The following TMEM132C variants were observed in gnomAD, a reference collection of about 807,000 sequenced individuals.
The protein encoded by TMEM132C is transmembrane protein 132C, also known as protein phosphatase 1, regulatory subunit 152.
In TMEM132C, 29 loss-of-function variants were observed where a neutral mutation model predicts 61.4. The ratio of observed to expected loss-of-function variants is 0.47; its 90% CI spans 0.35 to 0.64. The LOEUF is 0.64. TMEM132C is among the 30% of genes least tolerant of loss of function. TMEM132C has a pLI of 0.00. For synonymous variants in TMEM132C, 656 were observed against 633.1 expected, an observed-to-expected ratio of 1.04 and a Z score of -0.54; for missense variants, 1,408 against 1,476.9, an observed-to-expected ratio of 0.95 and a Z score of 0.76.
At chr12:128,509,106 C>CTG (rs1872486615) in intron 2 of TMEM132C, among the ~76,000 whole-genome samples, 1 of 152,184 alleles carries the variant, frequency 6.6e-6, no homozygotes, top group South Asian at 2.1e-4. Context: ...CTGGCCTAGG[C>CTG]TGTGTGCAAG....
At chr12:128,486,502 G>A (rs1294165473) in intron 2 of TMEM132C, among the ~76,000 whole-genome samples, 1 of 152,184 alleles carries the variant, frequency 6.6e-6, no homozygotes, top group Non-Finnish European at 1.5e-5. Flanking sequence ...CTCCTTCTCA[G>A]TTAGCCTCAG....
At chr12:128,563,315 C>A (rs1383803136) in intron 3 of TMEM132C, among the ~76,000 whole-genome samples, 1 of 152,192 alleles carries the variant, frequency 6.6e-6, no homozygotes, top group African/African-American at 2.4e-5. Context: ...GGTCCAGAGC[C>A]TTGGCAGGTC....
At chr12:128,408,685 AGG>A (rs1264798584) in intron 1 of TMEM132C, among the ~76,000 whole-genome samples, 1 of 152,194 alleles carries the variant, frequency 6.6e-6, no homozygotes, top group Non-Finnish European at 1.5e-5. Flanking sequence ...TTCTGAAATT[AGG>A]GGGTTAAAAT....
intron 2 of TMEM132C, among the ~76,000 whole-genome samples, chr12:128,516,267 G>GAA (rs1872714353): frequency 1.3e-5 from 2 of 152,220 alleles, no homozygotes; most frequent in African/African-American, 4.8e-5. Context: ...TCCACGGGAG[G>GAA]CTGGATAAAC....
chr12:128,515,572 G>A (rs1176904216), intron 2 of TMEM132C, among the ~76,000 whole-genome samples: 3 of 152,178 alleles, frequency 2.0e-5, no homozygotes, highest in Admixed American at 6.5e-5. Flanking sequence ...AGTGGCTCAC[G>A]CCTGTAATCC....
At chr12:128,358,038 T>G (rs1873575115) in intron 1 of TMEM132C, among the ~76,000 whole-genome samples, 1 of 152,100 alleles carries the variant, frequency 6.6e-6, no homozygotes, top group Non-Finnish European at 1.5e-5. Flanking sequence ...GTCCCATCCC[T>G]GCATTGAGTC....
chr12:128,339,374 A>G (rs1872887367), intron 1 of TMEM132C, among the ~76,000 whole-genome samples: 2 of 151,814 alleles, frequency 1.3e-5, no homozygotes, highest in African/African-American at 2.4e-5. Flanking sequence ...TATCCAGAGG[A>G]GTCAGGAAGT....
chr12:128,485,872 T>TTCC (rs1280903916), intron 2 of TMEM132C, among the ~76,000 whole-genome samples: 1 of 152,146 alleles, frequency 6.6e-6, no homozygotes, highest in Non-Finnish European at 1.5e-5. Flanking sequence ...CTTTCCCTTC[T>TTCC]TCCTCCTCCT....
intron 1 of TMEM132C, among the ~76,000 whole-genome samples, chr12:128,319,125 A>C (rs1565899908): frequency 1.3e-5 from 2 of 152,134 alleles, no homozygotes. Flanking sequence ...TAGGATCTGG[A>C]CTCTCTGCTC....
chr12:128,450,423 T>C (rs1460784286), intron 2 of TMEM132C, among the ~76,000 whole-genome samples: 1 of 152,172 alleles, frequency 6.6e-6, no homozygotes, highest in African/African-American at 2.4e-5. Context: ...TGTTTCTCAC[T>C]GTTTTATTTC....
Position 128,697,640 on chromosome 12 carries a change from C to A in TMEM132C, c.2121+225C>A, listed in dbSNP as rs1954775944. Among the ~76,000 whole-genome samples, 3 of 152,310 alleles carry A rather than the reference C, an allele frequency of 2.0e-5. No homozygotes were observed. The South Asian group carries it at 6.2e-4, about 32-fold the overall frequency. On this transcript the variant is annotated intron_variant, in intron 8 of 8. Transcript: ENST00000435159. ...CCAAGTCTCTTGGCTGCCGTTCTTA[C>A]CCCTGCACTCCCCTCTCTTCTCAAG...
chr12:128,333,050 T>C (rs1305940807), intron 1 of TMEM132C, among the ~76,000 whole-genome samples: 2 of 152,138 alleles, frequency 1.3e-5, no homozygotes, highest in Admixed American at 1.3e-4. Flanking sequence ...GTTGTGTGTG[T>C]GAGTATTGTG....
intron 1 of TMEM132C, among the ~76,000 whole-genome samples, chr12:128,314,263 CG>C (rs1263469040): frequency 1.3e-5 from 2 of 152,064 alleles, no homozygotes; most frequent in Non-Finnish European, 2.9e-5. Flanking sequence ...TATTGCAGAT[CG>C]GGGTAATTGG....
At chr12:128,702,970 C>T (rs1954814061) in intron 8 of TMEM132C, among the ~76,000 whole-genome samples, 1 of 152,062 alleles carries the variant, frequency 6.6e-6, no homozygotes, top group South Asian at 2.1e-4. Flanking sequence ...TTGACTTTTT[C>T]AGCAGAGGGT....
intron 1 of TMEM132C, among the ~76,000 whole-genome samples, chr12:128,290,538 A>C (rs1871215230): frequency 6.6e-6 from 1 of 152,110 alleles, no homozygotes; most frequent in Non-Finnish European, 1.5e-5. Context: ...TCGGACACTG[A>C]AGATGTGTGA....
chr12:128,599,448 C>T (rs1240235761), intron 3 of TMEM132C, among the ~76,000 whole-genome samples: 3 of 152,194 alleles, frequency 2.0e-5, no homozygotes, highest in Non-Finnish European at 2.9e-5. Flanking sequence ...GGCCAGGGCA[C>T]CTGGGCCTCT....
intron 2 of TMEM132C, among the ~76,000 whole-genome samples, chr12:128,461,074 A>G (rs1035865246): frequency 6.6e-6 from 1 of 152,218 alleles, no homozygotes; most frequent in Non-Finnish European, 1.5e-5. Flanking sequence ...TAACAATAAC[A>G]GAATTCTATT....
chr12:128,482,828 A>G (rs1182317835), intron 2 of TMEM132C, among the ~76,000 whole-genome samples: 1 of 152,026 alleles, frequency 6.6e-6, no homozygotes, highest in Admixed American at 6.6e-5. Context: ...TGAATCTCCC[A>G]CAATGCTTAT....
intron 2 of TMEM132C, among the ~76,000 whole-genome samples, chr12:128,516,275 A>T (rs1461757061): frequency 1.3e-5 from 2 of 152,220 alleles, no homozygotes; most frequent in African/African-American, 4.8e-5. Flanking sequence ...AGGCTGGATA[A>T]ACCTGTGGAA....
Sources: allele counts gnomAD v4.1 joint callset (sites outside exome capture counted in the v4.1 genomes callset), GRCh38; gene constraint gnomAD v4.1.1; transcripts MANE v1.5; gene names NCBI Gene and HGNC (gene_info 2026-07-23, HGNC 2026-07-21).